The following NEDD9 variants were observed in gnomAD, a reference collection of about 807,000 sequenced individuals.
NEDD9 encodes the protein neural precursor cell expressed, developmentally down-regulated 9.
A neutral mutation model predicts 76.6 loss-of-function variants in NEDD9; 26 were observed. That is an observed-to-expected ratio of 0.34 (90% CI 0.25 to 0.47). The LOEUF (loss-of-function observed/expected upper bound fraction) is 0.47, where lower values mean the gene tolerates loss of function less well. NEDD9 is among the 20% of genes least tolerant of loss of function. NEDD9 has a pLI of 1.00. For missense variants in NEDD9, 937 were observed against 1,058.5 expected, an observed-to-expected ratio of 0.89 and a Z score of 1.59; for synonymous variants, 392 against 414.2, an observed-to-expected ratio of 0.95 and a Z score of 0.65.
chr6:11,207,948 C>T (rs561905763), intron 2 of NEDD9, among the ~76,000 whole-genome samples: 107 of 152,274 alleles, frequency 7.0e-4, no homozygotes, highest in Admixed American at 1.9e-3. Flanking sequence ...GAACCTGAAG[C>T]GGGCATATCA....
intron 1 of NEDD9, among the ~76,000 whole-genome samples, chr6:11,362,502 A>T (rs2113555090): frequency 6.6e-6 from 1 of 152,172 alleles, no homozygotes; most frequent in African/African-American, 2.4e-5. Flanking sequence ...GAGCACTTTG[A>T]TTCTTATATT....
At chr6:11,340,948 C>G (rs1331521751) in intron 1 of NEDD9, among the ~76,000 whole-genome samples, 1 of 152,226 alleles carries the variant, frequency 6.6e-6, no homozygotes, top group African/African-American at 2.4e-5. Context: ...GTCCTACTCT[C>G]TCTGTCCTTA....
chr6:11,361,748 A>G (rs1311769839), intron 1 of NEDD9, among the ~76,000 whole-genome samples: 1 of 152,182 alleles, frequency 6.6e-6, no homozygotes, highest in Non-Finnish European at 1.5e-5. Flanking sequence ...TAGGAGTACA[A>G]GAAGAACACC....
intron 3 of NEDD9, among the ~76,000 whole-genome samples, chr6:11,268,178 C>T (rs975884559): frequency 5.2e-5 from 7 of 133,576 alleles, no homozygotes; most frequent in Non-Finnish European, 8.2e-5. Context: ...TACAGGCATG[C>T]GCCACCGAGA....
At chr6:11,293,266 G>C (rs1257583367) in intron 3 of NEDD9, among the ~76,000 whole-genome samples, 1 of 151,812 alleles carries the variant, frequency 6.6e-6, no homozygotes, top group Non-Finnish European at 1.5e-5. Flanking sequence ...TTGCACAGGA[G>C]AAATTGGAGG....
At chr6:11,345,965 C>A (rs1762357267) in intron 1 of NEDD9, among the ~76,000 whole-genome samples, 2 of 152,230 alleles carry the variant, frequency 1.3e-5, no homozygotes, top group Non-Finnish European at 2.9e-5. Flanking sequence ...AAGCTCTGAT[C>A]TCAGACCTCC....
Position 11,241,562 on chromosome 6 carries a change from T to C in NEDD9, c.13-27835A>G, listed in dbSNP as rs1464945652. On this transcript the variant is annotated intron_variant, in intron 3 of 3. Transcript: ENST00000397378. The surrounding 1 kb of genome is among the most constrained non-coding windows in gnomAD (Gnocchi z 4.0). Reference sequence around the variant, plus strand: ...TGCCATTCTCCAGCGCACACTGGCCTCCGGAAGCCATCTTCCACACCAGCC... The same window carrying C: ...TGCCATTCTCCAGCGCACACTGGCCCCCGGAAGCCATCTTCCACACCAGCC... Among the ~76,000 whole-genome samples the C allele has an allele frequency of 6.6e-6, 1 of 152,148 alleles. No homozygotes were observed. Among genetic ancestry groups the C allele is most frequent in the African/African-American group, 2.4e-5 (1 of 41,430 alleles).
intron 3 of NEDD9, among the ~76,000 whole-genome samples, chr6:11,239,305 T>C (rs1224954437): frequency 6.6e-6 from 1 of 152,206 alleles, no homozygotes; most frequent in Non-Finnish European, 1.5e-5. Context: ...TTTGAGCAAT[T>C]TATAGAAGAG....
At chr6:11,223,430 A>G (rs906456732) in intron 1 of NEDD9, among the ~76,000 whole-genome samples, 1 of 152,140 alleles carries the variant, frequency 6.6e-6, no homozygotes, top group African/African-American at 2.4e-5. Flanking sequence ...AGATGAGCTC[A>G]TGAAATTGTG....
chr6:11,234,831 C>T (rs1233287640), upstream of NEDD9, among the ~76,000 whole-genome samples: 2 of 151,894 alleles, frequency 1.3e-5, no homozygotes, highest in Non-Finnish European at 2.9e-5. Flanking sequence ...TTCCCTCAGC[C>T]TCCCGAGTAG....
intron 1 of NEDD9, among the ~76,000 whole-genome samples, chr6:11,342,900 G>A (rs1402049769): frequency 6.6e-6 from 1 of 152,166 alleles, no homozygotes; most frequent in Admixed American, 6.5e-5. Flanking sequence ...TCTAGGACAG[G>A]AAAAACTAAC....
intron 4 of NEDD9, 72 bp from the exon 5 acceptor site, chr6:11,191,277 A>T: frequency 1.3e-6 from 2 of 1,481,572 alleles, no homozygotes; most frequent in Non-Finnish European, 1.8e-6. Flanking sequence ...CCATGTGCTC[A>T]GTCCTATTTG....
At chr6:11,338,986 T>A (rs1381917418) in intron 1 of NEDD9, among the ~76,000 whole-genome samples, 3 of 152,114 alleles carry the variant, frequency 2.0e-5, no homozygotes, top group Admixed American at 2.0e-4. Context: ...TTTTAATTTT[T>A]TCAACCGAGA....
At chr6:11,291,267 GTTTT>G (rs869185428) in intron 3 of NEDD9, among the ~76,000 whole-genome samples, 3 of 95,830 alleles carry the variant, frequency 3.1e-5, no homozygotes, top group African/African-American at 1.0e-4. Context: ...ATAGAATGAG[GTTTT>G]TTTTTTTTTT....
intron 2 of NEDD9, among the ~76,000 whole-genome samples, chr6:11,315,038 C>T (rs1447827522): frequency 6.6e-6 from 1 of 152,224 alleles, no homozygotes; most frequent in Non-Finnish European, 1.5e-5. Context: ...TGATCTAGCT[C>T]TGTCTCCCTG....
chr6:11,240,557 CTAA>C (rs1320461091), intron 3 of NEDD9, among the ~76,000 whole-genome samples: 2 of 152,184 alleles, frequency 1.3e-5, no homozygotes, highest in African/African-American at 4.8e-5. Context: ...GTGACTATGG[CTAA>C]TATCTTAACT....
chr6:11,219,708 G>A (rs1270063591), intron 1 of NEDD9, among the ~76,000 whole-genome samples: 1 of 152,244 alleles, frequency 6.6e-6, no homozygotes, highest in Non-Finnish European at 1.5e-5. Flanking sequence ...AGGCTCACGT[G>A]CTTTTGTGCA....
At chr6:11,360,082 C>T (rs1762651614) in intron 1 of NEDD9, among the ~76,000 whole-genome samples, 1 of 152,200 alleles carries the variant, frequency 6.6e-6, no homozygotes, top group African/African-American at 2.4e-5. Flanking sequence ...GTGTGTGACA[C>T]AGCAAAGAGA....
intron 2 of NEDD9, among the ~76,000 whole-genome samples, chr6:11,322,632 T>C (rs570323794): frequency 6.6e-6 from 1 of 152,302 alleles, no homozygotes; most frequent in Non-Finnish European, 1.5e-5. Context: ...TCTTTTCTCC[T>C]TCCCTCCTTC....
Sources: gnomAD v4.1 joint callset for allele counts (sites outside exome capture counted in the v4.1 genomes callset) on GRCh38, gnomAD v4.1.1 for gene constraint, Gnocchi (gnomAD v3.1) non-coding constraint, MANE v1.5 for transcripts, NCBI Gene and HGNC (gene_info 2026-07-23, HGNC 2026-07-21) for gene names.